PLCL2: variants seen among roughly 807,000 people sequenced by gnomAD.
PLCL2 encodes phospholipase C like 2.
A neutral mutation model predicts 79.6 loss-of-function variants in PLCL2; 4 were observed. The ratio of observed to expected loss-of-function variants is 0.05; its 90% CI spans 0.02 to 0.11. PLCL2 has a LOEUF of 0.11. Ranked by LOEUF, PLCL2 falls within the 10% of genes least tolerant of loss-of-function variation. The probability of loss-of-function intolerance (pLI) is 1.00; values close to 1 mark genes in which losing one functional copy is unlikely to be tolerated. For synonymous variants in PLCL2, 484 were observed against 457.7 expected, an observed-to-expected ratio of 1.06 and a Z score of -0.73; for missense variants, 895 against 1,291.0, an observed-to-expected ratio of 0.69 and a Z score of 4.70.
chr3:16,954,001 A>G (rs1167373425), intron 1 of PLCL2, among the ~76,000 whole-genome samples: 2 of 152,042 alleles, frequency 1.3e-5, no homozygotes, highest in Non-Finnish European at 2.9e-5. Context: ...ACTCAGTGAC[A>G]TATACATTTT....
chr3:16,899,560 T>C (rs1419031755), intron 1 of PLCL2, among the ~76,000 whole-genome samples: 2 of 152,146 alleles, frequency 1.3e-5, no homozygotes, highest in Non-Finnish European at 2.9e-5. Flanking sequence ...GTTGAAGTGT[T>C]AAATGTGTCC....
At chr3:16,947,902 A>G (rs1366905549) in intron 1 of PLCL2, among the ~76,000 whole-genome samples, 1 of 152,192 alleles carries the variant, frequency 6.6e-6, no homozygotes, top group Non-Finnish European at 1.5e-5. Flanking sequence ...ATCAATAATT[A>G]TTGTCTTTTC....
At chr3:17,016,490 G>C (rs2064385632) in intron 3 of PLCL2, among the ~76,000 whole-genome samples, 2 of 152,188 alleles carry the variant, frequency 1.3e-5, no homozygotes, top group Admixed American at 6.5e-5. Context: ...TCAGGTGTCT[G>C]ATGAGCCTCA....
intron 5 of PLCL2, among the ~76,000 whole-genome samples, chr3:17,077,502 C>A (rs149022134): frequency 6.6e-6 from 1 of 152,102 alleles, no homozygotes; most frequent in African/African-American, 2.4e-5. Context: ...TGTTTTTGCT[C>A]ATTTCATCAG....
At chr3:17,036,330 C>A (rs149347348) in intron 3 of PLCL2, among the ~76,000 whole-genome samples, 1 of 152,140 alleles carries the variant, frequency 6.6e-6, no homozygotes, top group African/African-American at 2.4e-5. Context: ...TTTAAAAGTA[C>A]GTTGTATTTT....
chr3:17,043,410 G>A (rs530942025), intron 4 of PLCL2, among the ~76,000 whole-genome samples: 83 of 152,174 alleles, frequency 5.5e-4, no homozygotes, highest in Middle Eastern at 6.8e-3. Flanking sequence ...GCATTTTCGC[G>A]TGCTGATAAA....
intron 4 of PLCL2, among the ~76,000 whole-genome samples, chr3:17,063,220 TCCTTCCTCCCTC>T (rs2064969275): frequency 1.8e-5 from 1 of 55,048 alleles, no homozygotes; most frequent in African/African-American, 7.2e-5. Context: ...CTCTTTCTCT[TCCTTCCTCCCTC>T]CCTCCCTCCC....
chr3:16,949,853 A>AT (rs2063634889), intron 1 of PLCL2, among the ~76,000 whole-genome samples: 1 of 152,018 alleles, frequency 6.6e-6, no homozygotes, highest in Non-Finnish European at 1.5e-5. Flanking sequence ...ATTATTTTGT[A>AT]TTTTTTGCAA....
intron 4 of PLCL2, 40 bp from the exon 5 acceptor site, chr3:17,067,916 G>T (rs746862922): frequency 1.8e-6 from 2 of 1,105,632 alleles, no homozygotes; most frequent in Non-Finnish European, 2.7e-6. Context: ...CCACAGATTG[G>T]ATGGGAGTTA....
chr3:16,969,415 T>G (rs2063836345), intron 1 of PLCL2, among the ~76,000 whole-genome samples: 1 of 152,012 alleles, frequency 6.6e-6, no homozygotes, highest in Admixed American at 6.6e-5. Context: ...GAATTCAGTT[T>G]TGGAACTTCT....
chr3:17,051,858 A>G (rs2064842830), intron 4 of PLCL2, among the ~76,000 whole-genome samples: 1 of 152,134 alleles, frequency 6.6e-6, no homozygotes, highest in South Asian at 2.1e-4. Context: ...TTCTTTTGAT[A>G]TTGGACAATG....
At chr3:16,965,255 A>C (rs1023668942) in intron 1 of PLCL2, among the ~76,000 whole-genome samples, 3 of 152,202 alleles carry the variant, frequency 2.0e-5, no homozygotes, top group Non-Finnish European at 4.4e-5. Context: ...CAGTTTTCCC[A>C]GCACCGTTTA....
At chr3:16,896,187 G>C (rs527244645) in intron 1 of PLCL2, among the ~76,000 whole-genome samples, 1 of 152,112 alleles carries the variant, frequency 6.6e-6, no homozygotes, top group Non-Finnish European at 1.5e-5. Context: ...ATTTAGGGCC[G>C]TGCCTTTTAC....
intron 1 of PLCL2, among the ~76,000 whole-genome samples, chr3:16,932,759 G>A (rs901942976): frequency 2.0e-5 from 3 of 152,144 alleles, no homozygotes; most frequent in Non-Finnish European, 4.4e-5. Context: ...CAGATCTAAG[G>A]CATGAATTAC....
chr3:16,924,860 C>T (rs1413093963), intron 1 of PLCL2, among the ~76,000 whole-genome samples: 1 of 151,872 alleles, frequency 6.6e-6, no homozygotes. Context: ...ACCTCTAGGT[C>T]AGGATTTTAG....
chr3:16,918,858 T>A (rs1436157601), intron 1 of PLCL2, among the ~76,000 whole-genome samples: 1 of 152,132 alleles, frequency 6.6e-6, no homozygotes, highest in Admixed American at 6.6e-5. Flanking sequence ...AATATAGGAG[T>A]ACAAAGGTCA....
At chr3:16,934,679 G>A (rs1006197683) in intron 1 of PLCL2, among the ~76,000 whole-genome samples, 2 of 152,300 alleles carry the variant, frequency 1.3e-5, no homozygotes, top group Admixed American at 6.5e-5. Flanking sequence ...GGGATGCTAT[G>A]TAGGAAGCTG....
At position 16,898,957 on chromosome 3, in the gene PLCL2, G is replaced by A. The variant is rs1177831073; in HGVS notation, c.327+13591G>A. The stretch of plus-strand genomic sequence containing the variant: ...GGGGGAGGGGGTTGCGGGGACCCAC[G>A]CCTTGGCAGGCCATTTGGCAGTAAT... On this transcript the variant is annotated intron_variant, in intron 1 of 5. Transcript: ENST00000615277. Among the ~76,000 whole-genome samples, 7 of 152,250 alleles carry A rather than the reference G, an allele frequency of 4.6e-5. No homozygotes were observed. In the South Asian group the frequency reaches 8.3e-4, roughly 18 times the overall value.
intron 1 of PLCL2, among the ~76,000 whole-genome samples, chr3:16,946,871 A>C (rs1048806668): frequency 6.6e-6 from 1 of 151,678 alleles, no homozygotes; most frequent in Non-Finnish European, 1.5e-5. Flanking sequence ...ACCTTTTAAA[A>C]AGATAATCAG....
Sources: allele counts gnomAD v4.1 joint callset (sites outside exome capture counted in the v4.1 genomes callset), GRCh38; gene constraint gnomAD v4.1.1; transcripts MANE v1.5; gene names NCBI Gene and HGNC (gene_info 2026-07-23, HGNC 2026-07-21).